The following CCDC138 variants were observed in gnomAD, a reference collection of about 807,000 sequenced individuals.
CCDC138 encodes the protein coiled-coil domain containing 138, also known as coiled-coil domain-containing protein 138.
Under a neutral mutation model 82.3 loss-of-function variants are expected in CCDC138, and 66 were observed. That is an observed-to-expected ratio of 0.80 (90% CI 0.66 to 0.98). CCDC138 has a LOEUF of 0.98. CCDC138 is among the 50% of genes least tolerant of loss of function. The pLI is 0.00. For synonymous variants in CCDC138, 297 were observed against 265.4 expected (o/e 1.12, Z -1.16); for missense variants, 816 against 758.9 (o/e 1.08, Z -0.88).
chr2:108,823,927 A>G (rs528165167), intron 10 of CCDC138, among the ~76,000 whole-genome samples: 1 of 151,984 alleles, frequency 6.6e-6, no homozygotes, highest in African/African-American at 2.4e-5. Flanking sequence ...CAGTGAGCCA[A>G]GATCGCGCCA....
intron 13 of CCDC138, among the ~76,000 whole-genome samples, chr2:108,870,645 A>G (rs1320197416): frequency 6.6e-6 from 1 of 152,246 alleles, no homozygotes; most frequent in Non-Finnish European, 1.5e-5. Context: ...ACTATTATTC[A>G]GTCTAAGAAA....
At chr2:108,800,090 T>G (rs2149579755) in intron 6 of CCDC138, among the ~76,000 whole-genome samples, 1 of 152,284 alleles carries the variant, frequency 6.6e-6, no homozygotes, top group South Asian at 2.1e-4. Flanking sequence ...GATCTGTTGA[T>G]TATCTTTTTT....
At chr2:108,829,727 C>T (rs1558689163) in intron 10 of CCDC138, among the ~76,000 whole-genome samples, 5 of 152,128 alleles carry the variant, frequency 3.3e-5, no homozygotes, top group Admixed American at 1.3e-4. Flanking sequence ...GCCTGGGAGA[C>T]AAATTGAGAC....
At chr2:108,788,740 AAATTT>A in intron 2 of CCDC138, 107 bp from the exon 3 acceptor site, 5 of 1,438,654 alleles carry the variant, frequency 3.5e-6, no homozygotes, top group Non-Finnish European at 4.6e-6. Flanking sequence ...AAAGAAAAAA[AAATTT>A]GAGAGAGAAG....
At chr2:108,787,401 T>A (rs570616712) in intron 1 of CCDC138, among the ~76,000 whole-genome samples, 8 of 152,338 alleles carry the variant, frequency 5.3e-5, no homozygotes, top group African/African-American at 1.4e-4. Flanking sequence ...CCCTTTGAAC[T>A]ATTTGAGGGT....
intron 10 of CCDC138, among the ~76,000 whole-genome samples, chr2:108,822,510 T>C (rs979262449): frequency 2.0e-5 from 3 of 152,192 alleles, no homozygotes; most frequent in African/African-American, 4.8e-5. Flanking sequence ...ATTCTTCTCT[T>C]CTCAAGTGTA....
chr2:108,800,410 G>A (rs982288893), intron 6 of CCDC138, among the ~76,000 whole-genome samples: 1 of 151,730 alleles, frequency 6.6e-6, no homozygotes, highest in South Asian at 2.1e-4. Flanking sequence ...GAATACAGGC[G>A]CCCACCACCA....
intron 10 of CCDC138, among the ~76,000 whole-genome samples, chr2:108,832,544 T>TC (rs575272323): frequency 6.6e-6 from 1 of 152,020 alleles, no homozygotes; most frequent in Non-Finnish European, 1.5e-5. Context: ...ACGGGGTTTC[T>TC]CCTTGTTGGT....
chr2:108,827,299 C>T (rs1468590017), intron 10 of CCDC138, among the ~76,000 whole-genome samples: 2 of 152,090 alleles, frequency 1.3e-5, no homozygotes, highest in South Asian at 2.1e-4. Flanking sequence ...CTTCCAAATA[C>T]ATCAATATCT....
intron 12 of CCDC138, among the ~76,000 whole-genome samples, chr2:108,851,504 A>G (rs187694283): frequency 6.6e-6 from 1 of 152,038 alleles, no homozygotes; most frequent in Non-Finnish European, 1.5e-5. Flanking sequence ...GTTTCACCAC[A>G]TTGGCCAGGC....
chr2:108,857,679 T>G (rs1245142557), intron 13 of CCDC138, among the ~76,000 whole-genome samples: 1 of 152,224 alleles, frequency 6.6e-6, no homozygotes, highest in African/African-American at 2.4e-5. Flanking sequence ...CTACCTAGAT[T>G]AGTAATCTTG....
At chr2:108,826,940 G>C (rs1461779352) in intron 10 of CCDC138, among the ~76,000 whole-genome samples, 1 of 152,018 alleles carries the variant, frequency 6.6e-6, no homozygotes, top group Non-Finnish European at 1.5e-5. Flanking sequence ...CGTTTTCAGG[G>C]TATAAGTTTT....
At chr2:108,814,859 C>T (rs1357865461) in intron 9 of CCDC138, among the ~76,000 whole-genome samples, 3 of 151,920 alleles carry the variant, frequency 2.0e-5, no homozygotes, top group Non-Finnish European at 4.4e-5. Flanking sequence ...TGGTTTCAAT[C>T]TCCTGACCTC....
At chr2:108,881,147 G>GT (rs1696280721), downstream of CCDC138, among the ~76,000 whole-genome samples, 1 of 152,220 alleles carries the variant, frequency 6.6e-6, no homozygotes, top group Non-Finnish European at 1.5e-5. Flanking sequence ...TTGAAAATCT[G>GT]TTGTGTAGTG....
intron 9 of CCDC138, among the ~76,000 whole-genome samples, chr2:108,813,724 A>G (rs1380735972): frequency 2.0e-5 from 3 of 152,204 alleles, no homozygotes; most frequent in East Asian, 3.8e-4. Flanking sequence ...CAAATACAGA[A>G]TACTTCCACT....
At chr2:108,852,244 T>C (rs2104441170) in intron 12 of CCDC138, among the ~76,000 whole-genome samples, 2 of 152,304 alleles carry the variant, frequency 1.3e-5, no homozygotes, top group Middle Eastern at 6.8e-3. Flanking sequence ...GAAATAAAAT[T>C]TAACTGTAAG....
Position 108,856,842 on chromosome 2 carries a change from C to G in CCDC138, c.1565C>G (p.Thr522Arg). 6.2e-7 allele frequency: 1 copy of G among 1,613,208 alleles called. No homozygotes were observed. The highest frequency in any genetic ancestry group is 1.1e-5 in the South Asian group (1 of 90,966). Reference sequence around the variant, plus strand: ...GATTCTCTTTGTTTGGACTTGAAGACAGAAGAAGGAAAAACCTTGTTTTTG... The same window carrying G: ...GATTCTCTTTGTTTGGACTTGAAGAGAGAAGAAGGAAAAACCTTGTTTTTG... ...AFDSLCLDLKTEEGKTLFLEY... is the reference protein window; with the variant it reads ...AFDSLCLDLKREEGKTLFLEY... Residue 522 changes from threonine to arginine, a missense_variant, in exon 13 of 15, where the codon ACA becomes AGA. Thr to Arg is a moderately conservative substitution (Grantham distance 71). Coordinates refer to ENST00000295124, the MANE Select transcript of CCDC138 (RefSeq NM_144978.3).
At chr2:108,854,804 A>G (rs1447796438) in intron 12 of CCDC138, among the ~76,000 whole-genome samples, 1 of 152,198 alleles carries the variant, frequency 6.6e-6, no homozygotes, top group Non-Finnish European at 1.5e-5. Context: ...TAATTCACAC[A>G]GCATCATTTC....
intron 13 of CCDC138, 75 bp from the exon 14 acceptor site, chr2:108,873,376 T>C: frequency 7.7e-7 from 1 of 1,293,884 alleles, no homozygotes; most frequent in Non-Finnish European, 1.0e-6. Flanking sequence ...CCTCACATAG[T>C]TCTGATTTTA....
Sources: gnomAD v4.1 joint callset for allele counts (sites outside exome capture counted in the v4.1 genomes callset) on GRCh38, gnomAD v4.1.1 for gene constraint, MANE v1.5 for transcripts, NCBI Gene and HGNC (gene_info 2026-07-23, HGNC 2026-07-21) for gene names.